GAS2: variants seen among roughly 807,000 people sequenced by gnomAD.
The protein encoded by GAS2 is growth arrest-specific protein 2.
Under a neutral mutation model 37.5 loss-of-function variants are expected in GAS2, and 20 were observed. That is an observed-to-expected ratio of 0.53 (90% confidence interval 0.37 to 0.77). The LOEUF is 0.77. Ranked by LOEUF, GAS2 falls within the 30% of genes least tolerant of loss-of-function variation. The pLI is 0.00. For missense variants in GAS2, 336 were observed against 373.4 expected (o/e 0.90, Z 0.82); for synonymous variants, 144 against 132.2 (o/e 1.09, Z -0.61).
rs145705457 is a variant in GAS2, at chr11:22,684,628, G to A, written c.146-1040G>A. ...ATATAAGAAAGCAGTGCAGTGGCAC[G>A]ATCTCAGCTCACTGCAGCCTCTGCC... On this transcript the variant is annotated intron_variant, in intron 2 of 7. Coordinates refer to ENST00000454584, the MANE Select transcript of GAS2 (RefSeq NM_001143830.3). Among the ~76,000 whole-genome samples the A allele has an allele frequency of 1.8e-3, 275 of 152,316 alleles. 2 individuals carry two copies. The highest frequency in any genetic ancestry group is 6.3e-3 in the African/African-American group (261 of 41,576).
At chr11:22,792,691 C>A (rs1295567327) in intron 7 of GAS2, among the ~76,000 whole-genome samples, 2 of 152,186 alleles carry the variant, frequency 1.3e-5, no homozygotes, top group Admixed American at 6.5e-5. Context: ...CTACGGAGAC[C>A]TCTGGGTGGC....
intron 1 of GAS2, among the ~76,000 whole-genome samples, chr11:22,669,948 GATACT>G (rs1849136005): frequency 6.6e-6 from 1 of 152,156 alleles, no homozygotes; most frequent in East Asian, 1.9e-4. Context: ...TATTTTGTGA[GATACT>G]ATTAATTAGC....
chr11:22,707,524 C>T (rs1372860314), intron 3 of GAS2, among the ~76,000 whole-genome samples: 1 of 152,174 alleles, frequency 6.6e-6, no homozygotes, highest in African/African-American at 2.4e-5. Flanking sequence ...AGACAGACCT[C>T]TGCTGATATA....
chr11:22,646,219 T>A (rs761298499), intron 1 of GAS2, among the ~76,000 whole-genome samples: 2 of 152,090 alleles, frequency 1.3e-5, no homozygotes, highest in Non-Finnish European at 2.9e-5. Context: ...AATGAGAAAT[T>A]ATTAAGGGAA....
At chr11:22,639,229 T>G (rs142560498) in intron 1 of GAS2, among the ~76,000 whole-genome samples, 82 of 152,306 alleles carry the variant, frequency 5.4e-4, no homozygotes, top group African/African-American at 1.8e-3. Flanking sequence ...GTTAACAGGT[T>G]ATTAAGTCAC....
intron 4 of GAS2, 91 bp from the exon 5 acceptor site, chr11:22,737,614 G>C (rs1239622625): frequency 8.7e-7 from 1 of 1,144,368 alleles, no homozygotes. Flanking sequence ...TTTCCTGGGA[G>C]CACGAGGAAT....
intron 7 of GAS2, among the ~76,000 whole-genome samples, chr11:22,796,337 T>C (rs1299862296): frequency 2.6e-5 from 4 of 152,184 alleles, no homozygotes; most frequent in African/African-American, 9.6e-5. Flanking sequence ...TTTGGCTTGC[T>C]TCTTTTTGAC....
chr11:22,692,001 T>C (rs1850267380), intron 3 of GAS2, among the ~76,000 whole-genome samples: 1 of 152,182 alleles, frequency 6.6e-6, no homozygotes, highest in African/African-American at 2.4e-5. Context: ...TGTTCTATAC[T>C]ATCTTCCAGA....
At chr11:22,752,826 G>T (rs1590089992) in intron 6 of GAS2, among the ~76,000 whole-genome samples, 1 of 152,018 alleles carries the variant, frequency 6.6e-6, no homozygotes, top group East Asian at 1.9e-4. Flanking sequence ...TTCTTTGTTT[G>T]ATACTTAGGG....
chr11:22,782,341 A>G (rs955039487), intron 7 of GAS2, among the ~76,000 whole-genome samples: 2 of 152,222 alleles, frequency 1.3e-5, no homozygotes, highest in African/African-American at 4.8e-5. Flanking sequence ...CCAGAAGTTT[A>G]AAAGAAAAAT....
At chr11:22,771,940 A>G (rs12287412) in intron 7 of GAS2, among the ~76,000 whole-genome samples, 6,039 of 152,242 alleles carry the variant, frequency 0.04, 395 homozygotes, top group African/African-American at 0.14. Flanking sequence ...AATATTGGTC[A>G]TATACTATTA....
intron 7 of GAS2, among the ~76,000 whole-genome samples, chr11:22,782,766 C>CTTT (rs34122574): frequency 8.8e-6 from 1 of 113,838 alleles, no homozygotes; most frequent in African/African-American, 3.4e-5. Flanking sequence ...TGATTTTGTT[C>CTTT]TTTTTTTTTT....
chr11:22,728,565 G>T, intron 4 of GAS2, among the ~76,000 whole-genome samples: 1 of 150,928 alleles, frequency 6.6e-6, no homozygotes, highest in Middle Eastern at 3.4e-3. Flanking sequence ...AAATATTTTT[G>T]TACAAATTTT....
chr11:22,731,446 T>A (rs1003933842), intron 4 of GAS2: 1 of 344,172 alleles, frequency 2.9e-6, no homozygotes, highest in African/African-American at 2.2e-5. Flanking sequence ...TGTTTGAGTA[T>A]AACTTTTAAA....
intron 3 of GAS2, among the ~76,000 whole-genome samples, chr11:22,700,166 C>G (rs749267144): frequency 6.6e-6 from 1 of 152,082 alleles, no homozygotes; most frequent in Non-Finnish European, 1.5e-5. Flanking sequence ...TCCTTGAGTA[C>G]ATAGTTTATG....
intron 3 of GAS2, among the ~76,000 whole-genome samples, chr11:22,693,366 G>T (rs112412730): frequency 0.013 from 1,981 of 152,188 alleles, 17 homozygotes; most frequent in Middle Eastern, 0.024. Flanking sequence ...CTGTAACATC[G>T]ATTCTGATTA....
chr11:22,633,379 G>A (rs1231751696), intron 1 of GAS2, among the ~76,000 whole-genome samples: 1 of 152,136 alleles, frequency 6.6e-6, no homozygotes, highest in East Asian at 1.9e-4. Context: ...CTCAGATGCT[G>A]GTTATAGTAG....
At chr11:22,705,140 C>T (rs918849466) in intron 3 of GAS2, among the ~76,000 whole-genome samples, 1 of 151,966 alleles carries the variant, frequency 6.6e-6, no homozygotes, top group African/African-American at 2.4e-5. Flanking sequence ...GCCTACAAGG[C>T]TCTATATGCA....
chr11:22,633,495 A>G (rs1200505104), intron 1 of GAS2, among the ~76,000 whole-genome samples: 1 of 152,196 alleles, frequency 6.6e-6, no homozygotes, highest in Non-Finnish European at 1.5e-5. Context: ...TAATTCATTA[A>G]TTAATTTATT....
Sources: gnomAD v4.1 joint callset for allele counts (sites outside exome capture counted in the v4.1 genomes callset) on GRCh38, gnomAD v4.1.1 for gene constraint, MANE v1.5 for transcripts, NCBI Gene and HGNC (gene_info 2026-07-23, HGNC 2026-07-21) for gene names.